Variants in FHIT observed in about 807,000 individuals in gnomAD.
The protein encoded by FHIT is fragile histidine triad diadenosine triphosphatase, also known as bis(5'-adenosyl)-triphosphatase.
A neutral mutation model predicts 17.9 loss-of-function variants in FHIT; 19 were observed. The observed-to-expected ratio is 1.06, with a 90% CI of 0.74 to 1.56. The LOEUF (loss-of-function observed/expected upper bound fraction) is 1.56, where lower values mean the gene tolerates loss of function less well. FHIT is among the 40% of genes most tolerant of loss of function. FHIT has a pLI of 0.00. For missense variants in FHIT, 248 were observed against 189.2 expected, an observed-to-expected ratio of 1.31 and a Z score of -1.82; for synonymous variants, 81 against 69.7, an observed-to-expected ratio of 1.16 and a Z score of -0.81.
intron 8 of FHIT, among the ~76,000 whole-genome samples, chr3:59,917,480 A>T (rs1705187488): frequency 2.0e-5 from 3 of 151,860 alleles, no homozygotes; most frequent in Admixed American, 2.0e-4. Context: ...GGCTATACAC[A>T]CTCTTTTATC....
chr3:60,786,565 C>T (rs1700583883), intron 4 of FHIT, among the ~76,000 whole-genome samples: 1 of 152,174 alleles, frequency 6.6e-6, no homozygotes, highest in South Asian at 2.1e-4. Flanking sequence ...ACGTACCTCA[C>T]AGGAACCTTG....
intron 3 of FHIT, among the ~76,000 whole-genome samples, chr3:60,937,287 G>T (rs537371489): frequency 6.6e-6 from 1 of 152,146 alleles, no homozygotes; most frequent in Non-Finnish European, 1.5e-5. Context: ...GGCTGTATTT[G>T]GTCAGTAACT....
At chr3:59,988,443 A>G (rs958033651) in intron 7 of FHIT, among the ~76,000 whole-genome samples, 3 of 152,052 alleles carry the variant, frequency 2.0e-5, no homozygotes, top group African/African-American at 7.2e-5. Flanking sequence ...TTTTTAAATA[A>G]ATAGACTTTT....
At position 60,397,074 on chromosome 3, in the gene FHIT, A is replaced by C. The variant is rs528841932; in HGVS notation, c.103+139786T>G. On this transcript the variant is annotated intron_variant, in intron 5 of 9. Transcript: ENST00000492590. ...TACCTGGGCTGTAGCCACTGATGTA[A>C]ACTACATAGAAAATGTATTATACAG... is the stretch of plus-strand genomic sequence containing the variant. 4.6e-5 allele frequency among the ~76,000 whole-genome samples: 7 copies of C among 152,332 alleles called. No individual in the cohort carries two copies. The East Asian group carries it at 1.2e-3, about 25-fold the overall frequency.
At chr3:60,387,541 C>T (rs1344072021) in intron 5 of FHIT, among the ~76,000 whole-genome samples, 1 of 152,110 alleles carries the variant, frequency 6.6e-6, no homozygotes, top group Non-Finnish European at 1.5e-5. Context: ...AAGTCAAAAG[C>T]ATTTGGAAAC....
chr3:60,636,313 C>T (rs1212965355), intron 4 of FHIT, among the ~76,000 whole-genome samples: 11 of 152,276 alleles, frequency 7.2e-5, no homozygotes, highest in African/African-American at 2.6e-4. Context: ...TCATGATCCA[C>T]CCGCCTTGGC....
chr3:59,846,046 CTCTG>C (rs1421980280), intron 8 of FHIT, among the ~76,000 whole-genome samples: 3 of 152,004 alleles, frequency 2.0e-5, no homozygotes, highest in Admixed American at 1.3e-4. Context: ...TTTTGTCAAC[CTCTG>C]TCTATTGACT....
Position 60,522,955 on chromosome 3 carries a change from G to A in FHIT, c.103+13905C>T, listed in dbSNP as rs2734407. Among the ~76,000 whole-genome samples, 861 of 152,242 alleles carry A rather than the reference G, an allele frequency of 5.7e-3. 5 individuals carry two copies. The highest frequency in any genetic ancestry group is 8.2e-3 in the Admixed American group (126 of 15,296). ...AATAGACTCATAGTTCCACGTGGCT[G>A]GGGAGGCCTCACAATCATGGCAGAA... On this transcript the variant is annotated intron_variant, in intron 5 of 9. Coordinates refer to ENST00000492590, the MANE Select transcript of FHIT (RefSeq NM_002012.4).
chr3:60,404,060 T>G (rs111766653), intron 5 of FHIT, among the ~76,000 whole-genome samples: 1 of 152,206 alleles, frequency 6.6e-6, no homozygotes, highest in South Asian at 2.1e-4. Flanking sequence ...AGACTGATTG[T>G]GGGCCAAGTC....
intron 5 of FHIT, among the ~76,000 whole-genome samples, chr3:60,332,575 T>C (rs1223352541): frequency 6.6e-6 from 1 of 152,200 alleles, no homozygotes; most frequent in Non-Finnish European, 1.5e-5. Context: ...ACACTACTTC[T>C]GAATCTCATA....
At position 61,210,304 on chromosome 3, in the gene FHIT, G is replaced by C. The variant is rs186288830; in HGVS notation, c.-212-9639C>G. ...CCCATTCTCAGATCTCAAGCTGCGT[G>C]CTGGGAGAACCACTACTCTCTTCAA... On this transcript the variant is annotated intron_variant, in intron 1 of 9. Transcript: ENST00000492590. 9.0e-3 allele frequency among the ~76,000 whole-genome samples: 1,373 copies of C among 152,340 alleles called. 24 individuals carry two copies. Among genetic ancestry groups the C allele is most frequent in the African/African-American group, 0.032 (1,314 of 41,570 alleles).
At chr3:60,530,506 G>A (rs1488617699) in intron 5 of FHIT, among the ~76,000 whole-genome samples, 1 of 152,086 alleles carries the variant, frequency 6.6e-6, no homozygotes, top group Non-Finnish European at 1.5e-5. Context: ...AAATAAAGAT[G>A]TCAGTCTCGG....
At chr3:60,488,724 C>T (rs1395419840) in intron 5 of FHIT, among the ~76,000 whole-genome samples, 1 of 152,064 alleles carries the variant, frequency 6.6e-6, no homozygotes, top group Non-Finnish European at 1.5e-5. Flanking sequence ...AAGTCCAAGC[C>T]CTATATTCAG....
chr3:60,081,831 T>C lies in FHIT; in HGVS notation c.104-67679A>G, dbSNP rs1703298580. 2.0e-5 allele frequency among the ~76,000 whole-genome samples: 3 copies of C among 152,122 alleles called. 1 individual carries two copies. In the South Asian group the frequency reaches 6.2e-4, roughly 32 times the overall value. ...TGCATGCCAGGCATCTTTTCCTGTTTCTTTTTCAGTTACTTGAATCCACCT... is the reference window on the plus strand; with the variant it reads ...TGCATGCCAGGCATCTTTTCCTGTTCCTTTTTCAGTTACTTGAATCCACCT... On this transcript the variant is annotated intron_variant, in intron 5 of 9. Transcript: ENST00000492590.
intron 8 of FHIT, among the ~76,000 whole-genome samples, chr3:59,839,374 C>T (rs1463546495): frequency 6.6e-6 from 1 of 151,746 alleles, no homozygotes; most frequent in African/African-American, 2.4e-5. Context: ...ATCATTAGTA[C>T]CATACAGGCT....
chr3:60,445,225 T>C (rs573495266), intron 5 of FHIT, among the ~76,000 whole-genome samples: 36 of 152,216 alleles, frequency 2.4e-4, no homozygotes, highest in Non-Finnish European at 4.4e-4. Flanking sequence ...GCTCATGAAT[T>C]TGCATTTCAA....
chr3:60,681,953 G>A (rs2040758522), intron 4 of FHIT, among the ~76,000 whole-genome samples: 2 of 151,596 alleles, frequency 1.3e-5, no homozygotes, highest in Admixed American at 6.6e-5. Flanking sequence ...ACTAATGAAG[G>A]TGGCTACACT....
chr3:60,614,950 C>T (rs572153671), intron 4 of FHIT, among the ~76,000 whole-genome samples: 2 of 150,946 alleles, frequency 1.3e-5, no homozygotes, highest in South Asian at 4.2e-4. Context: ...CTGCCTCAGT[C>T]TCCCGGGTAG....
At chr3:60,058,859 T>G (rs1702191782) in intron 5 of FHIT, among the ~76,000 whole-genome samples, 1 of 152,184 alleles carries the variant, frequency 6.6e-6, no homozygotes, top group Admixed American at 6.5e-5. Flanking sequence ...AACAAAATAT[T>G]AATTGTTCTG....
Sources: gnomAD v4.1 joint callset for allele counts (sites outside exome capture counted in the v4.1 genomes callset) on GRCh38, gnomAD v4.1.1 for gene constraint, MANE v1.5 for transcripts, NCBI Gene and HGNC (gene_info 2026-07-23, HGNC 2026-07-21) for gene names.